Variants in PMS2 observed in about 807,000 individuals in gnomAD.
PMS2 encodes the protein PMS1 homolog 2, mismatch repair system component, also known as mismatch repair endonuclease PMS2.
A neutral mutation model predicts 90.0 loss-of-function variants in PMS2; 69 were observed. The ratio of observed to expected loss-of-function variants is 0.77; its 90% CI spans 0.63 to 0.94. The LOEUF is 0.94. Ranked by LOEUF, PMS2 falls within the 40% of genes least tolerant of loss-of-function variation. PMS2 has a pLI of 0.00. For synonymous variants in PMS2, 332 were observed against 375.1 expected (o/e 0.89, Z 1.33); for missense variants, 966 against 1,040.2 (o/e 0.93, Z 0.98).
intron 11 of PMS2, among the ~76,000 whole-genome samples, chr7:5,984,087 C>G (rs1782596116): frequency 6.6e-6 from 1 of 151,902 alleles, no homozygotes; most frequent in Admixed American, 6.6e-5. Flanking sequence ...ACAAATACTT[C>G]TGTGCATAAA....
rs876658134 is a variant in PMS2 at position 5,987,091 on chromosome 7, G to A, written c.1674C>T (p.Thr558=). The A allele has an allele frequency of 6.8e-6, 11 of 1,613,922 alleles. No individual in the cohort carries two copies. Among genetic ancestry groups the A allele is most frequent in the Middle Eastern group, 1.6e-4 (1 of 6,084 alleles). Residue 558 remains threonine (T), a synonymous_variant, in exon 11 of 15, where the codon ACC becomes ACT. Coordinates refer to ENST00000265849, the MANE Select transcript of PMS2 (RefSeq NM_000535.7). ...GAGGCAAAACTCGAAATTTACATCC[G>A]GTATCTTCCTGGTTTGAATGGCAGT... ...DVDCHSNQED[T]GCKFRVLPQP...
At chr7:5,985,518 G>C (rs1782761001) in intron 11 of PMS2, among the ~76,000 whole-genome samples, 1 of 151,054 alleles carries the variant, frequency 6.6e-6, no homozygotes, top group Non-Finnish European at 1.5e-5. Context: ...AAGAGGGAGA[G>C]TCCTCAGAAA....
At chr7:5,975,969 G>A (rs1402683229) in intron 14 of PMS2, among the ~76,000 whole-genome samples, 3 of 139,760 alleles carry the variant, frequency 2.1e-5, no homozygotes, top group Admixed American at 1.5e-4. Context: ...GGCCAGGTGC[G>A]GTGGCTCACG....
chr7:5,994,988 T>C (rs1255755841), intron 8 of PMS2, among the ~76,000 whole-genome samples: 1 of 152,104 alleles, frequency 6.6e-6, no homozygotes, highest in Non-Finnish European at 1.5e-5. Context: ...TGAAGTATGG[T>C]ATCTACTGCA....
chr7:6,002,758 G>A (rs1380256289), intron 4 of PMS2, 122 bp from the exon 5 acceptor site: 8 of 806,938 alleles, frequency 9.9e-6, no homozygotes, highest in Non-Finnish European at 1.8e-5. Flanking sequence ...ATCCCTCTGA[G>A]ATAATCAAGA....
intron 7 of PMS2, among the ~76,000 whole-genome samples, chr7:5,996,374 C>T (rs7805798): frequency 0.16 from 24,055 of 151,182 alleles, 2,126 homozygotes; most frequent in African/African-American, 0.22. Flanking sequence ...GGCAACATGG[C>T]GAAACCCCGT....
chr7:6,003,407 C>G, intron 4 of PMS2: 1 of 298,486 alleles, frequency 3.4e-6, no homozygotes, highest in African/African-American at 2.2e-5. Context: ...ATAATGAAAA[C>G]CAATGGTAAC....
Position 6,004,030 on chromosome 7 carries a change from A to C in PMS2, c.192T>G (p.Asp64Glu), listed in dbSNP as rs1258284726. Residue 64 changes from aspartate (D) to glutamate (E), a missense_variant, in exon 3 of 15, where the codon GAT becomes GAG. Physicochemically the swap from Asp to Glu is conservative, Grantham distance 45. Coordinates refer to ENST00000265849, the MANE Select transcript of PMS2 (RefSeq NM_000535.7). ...ATCCATTGTCTGAAACTTCAATAAG[A>C]TCCACTCCATAGTCCTTAAGCTTTA... ...IDLKLKDYGV[D>E]LIEVSDNGCG... 2 of 1,599,220 alleles carry C rather than the reference A, an allele frequency of 1.3e-6. No individual in the cohort carries two copies. Among genetic ancestry groups the C allele is most frequent in the Non-Finnish European group, 1.7e-6 (2 of 1,168,400 alleles).
At chr7:5,994,389 A>C (rs539709971) in intron 8 of PMS2, among the ~76,000 whole-genome samples, 401 of 151,970 alleles carry the variant, frequency 2.6e-3, no homozygotes, top group African/African-American at 8.6e-3. Context: ...TCAAAAAAAA[A>C]CCCAAAAAAC....
Position 6,006,243 on chromosome 7 carries a change from T to C in PMS2, c.24-212A>G, listed in dbSNP as rs565285932. Among the ~76,000 whole-genome samples the C allele has an allele frequency of 1.1e-4, 17 of 152,322 alleles. No homozygotes were observed. The East Asian group carries it at 3.1e-3, about 28-fold the overall frequency. ...CCCAAAATACTTCTGGATAGATACT[T>C]CAAATTCAACAGATCCTTACTATCT... On this transcript the variant is annotated intron_variant, in intron 1 of 14. Transcript: ENST00000265849.
At chr7:5,982,596 CA>C (rs1329589474) in intron 12 of PMS2, among the ~76,000 whole-genome samples, 1 of 152,158 alleles carries the variant, frequency 6.6e-6, no homozygotes, top group African/African-American at 2.4e-5. Context: ...CTCGGCCTCC[CA>C]AAGTGCTGGG....
In PMS2 at chr7:5,997,403, A is replaced by G. The variant is rs1346863182; in HGVS notation, c.726T>C (p.Phe242=). 1 of 1,597,874 alleles carries G rather than the reference A, an allele frequency of 6.3e-7. No individual in the cohort carries two copies. The highest frequency in any genetic ancestry group is 1.1e-5 in the South Asian group (1 of 90,004). ...GQKQLQSLIP[F]VQLPPSDSVC... ...CGGAGTCACTAGGGGGCAGCTGAAC[A>G]AAAGGAATGAGGCTTTGCAACTGAA... Residue 242 remains phenylalanine, a synonymous_variant, in exon 7 of 15, where the codon TTT becomes TTC. Coordinates refer to ENST00000265849, the MANE Select transcript of PMS2 (RefSeq NM_000535.7).
intron 6 of PMS2, 47 bp downstream of exon 6, chr7:5,999,061 T>A: frequency 1.3e-6 from 2 of 1,558,132 alleles, no homozygotes; most frequent in Non-Finnish European, 1.8e-6. Context: ...AAACCCGCTA[T>A]AATCACTAGA....
chr7:6,008,904 C>T, intron 1 of PMS2, 93 bp downstream of exon 1: 24 of 1,481,994 alleles, frequency 1.6e-5, no homozygotes, highest in Non-Finnish European at 2.3e-5. Context: ...GCGCCTCGGC[C>T]ATGTTCCCCC....
intron 1 of PMS2, 65 bp from the exon 2 acceptor site, chr7:6,006,096 C>A: frequency 5.7e-6 from 9 of 1,570,968 alleles, no homozygotes; most frequent in Non-Finnish European, 7.9e-6. Context: ...CTGATTTTAA[C>A]TGTGGGAAAT....
chr7:5,998,989 CAAAA>C (rs11289444), intron 6 of PMS2, 115 bp downstream of exon 6: 226 of 860,798 alleles, frequency 2.6e-4, no homozygotes, highest in Middle Eastern at 7.4e-4. Context: ...GACTCCCTCT[CAAAA>C]AAAAAAAAAA....
chr7:5,979,212 A>AG, intron 12 of PMS2, among the ~76,000 whole-genome samples: 1 of 143,268 alleles, frequency 7.0e-6, no homozygotes, highest in East Asian at 2.0e-4. Context: ...AAAAAAAAAA[A>AG]AAAAAAAAAA....
At chr7:5,995,511 T>A (rs1784287243) in intron 8 of PMS2, 23 bp downstream of exon 8, 3 of 1,525,424 alleles carry the variant, frequency 2.0e-6, no homozygotes, top group East Asian at 2.2e-5. Flanking sequence ...AAGAACAAAC[T>A]AACACAAAAA....
chr7:5,995,161 C>A (rs1784239002), intron 8 of PMS2, among the ~76,000 whole-genome samples: 3 of 152,094 alleles, frequency 2.0e-5, no homozygotes, highest in Admixed American at 6.6e-5. Flanking sequence ...CCTCAGCCTC[C>A]CATGTAGCTG....
Sources: allele counts gnomAD v4.1 joint callset (sites outside exome capture counted in the v4.1 genomes callset), GRCh38; gene constraint gnomAD v4.1.1; transcripts MANE v1.5; gene names NCBI Gene and HGNC (gene_info 2026-07-23, HGNC 2026-07-21).